The following CDC42BPA variants were observed in gnomAD, a reference collection of about 807,000 sequenced individuals.
CDC42BPA encodes serine/threonine-protein kinase MRCK alpha.
A neutral mutation model predicts 223.5 loss-of-function variants in CDC42BPA; 80 were observed. That is an observed-to-expected ratio of 0.36 (90% CI 0.30 to 0.43). The LOEUF (loss-of-function observed/expected upper bound fraction) is 0.43. CDC42BPA is among the 20% of genes least tolerant of loss of function. The probability of loss-of-function intolerance (pLI) is 1.00; values close to 1 mark genes in which losing one functional copy is unlikely to be tolerated. For synonymous variants in CDC42BPA, 694 were observed against 718.6 expected (o/e 0.97, Z 0.55); for missense variants, 1,743 against 2,099.9 (o/e 0.83, Z 3.32).
chr1:227,156,855 T>C (rs1662914672), intron 6 of CDC42BPA, among the ~76,000 whole-genome samples: 1 of 152,274 alleles, frequency 6.6e-6, no homozygotes, highest in South Asian at 2.1e-4. Context: ...TGCAGCTCTA[T>C]CCTCTCTGGA....
At chr1:227,181,537 C>T (rs765992381) in intron 5 of CDC42BPA, among the ~76,000 whole-genome samples, 14 of 152,144 alleles carry the variant, frequency 9.2e-5, no homozygotes, top group Non-Finnish European at 1.5e-4. Context: ...TGTTCATCTA[C>T]TATTTTCTTT....
intron 1 of CDC42BPA, among the ~76,000 whole-genome samples, chr1:227,299,917 C>T (rs959976251): frequency 6.6e-6 from 1 of 152,104 alleles, no homozygotes; most frequent in Non-Finnish European, 1.5e-5. Flanking sequence ...TAAATAAAGA[C>T]GTCATTCTCG....
Position 227,073,973 on chromosome 1 carries a change from T to C in CDC42BPA, c.2626A>G (p.Met876Val). 1 of 1,612,546 alleles carries C rather than the reference T, an allele frequency of 6.2e-7. No homozygotes were observed. The highest frequency in any genetic ancestry group is 1.1e-5 in the South Asian group (1 of 90,572). The change falls in exon 19 of 37, where the codon ATG (methionine) becomes GTG (valine). Residue 876 changes from methionine to valine, a missense_variant. Met to Val is a conservative substitution (Grantham distance 21, BLOSUM62 1). This residue lies in a region of CDC42BPA where 36 missense variants were observed against 71.9 expected (regional missense o/e 0.50). Transcript: ENST00000366766. ...WKMRRFAKLD[M>V]SARLELQSAL... ...GACTGCAACTCCAGTCTAGCTGACA[T>C]ATCCAGTTTCGCAAAACGACGCATT...
At chr1:227,017,558 A>T (rs1386960364) in intron 32 of CDC42BPA, among the ~76,000 whole-genome samples, 2 of 152,216 alleles carry the variant, frequency 1.3e-5, no homozygotes, top group Non-Finnish European at 2.9e-5. Context: ...AGTCTATGAG[A>T]TACGGAGTAA....
At chr1:227,193,961 T>C (rs776227323) in intron 4 of CDC42BPA, 27 bp from the exon 5 acceptor site, 13 of 1,554,208 alleles carry the variant, frequency 8.4e-6, no homozygotes, top group Non-Finnish European at 3.5e-6. Context: ...TAAAATGTAC[T>C]CAGTAAACTA....
chr1:227,298,767 G>A (rs1429716659), intron 1 of CDC42BPA, among the ~76,000 whole-genome samples: 1 of 152,184 alleles, frequency 6.6e-6, no homozygotes, highest in Non-Finnish European at 1.5e-5. Context: ...GACAAAAACT[G>A]AGAACTTTAC....
intron 17 of CDC42BPA, 87 bp from the exon 18 acceptor site, chr1:227,074,451 G>C (rs1679052776): frequency 1.1e-6 from 1 of 948,276 alleles, no homozygotes. Context: ...AAAGAAATAA[G>C]TGGTAGGAAA....
chr1:227,280,065 A>AC lies in CDC42BPA; in HGVS notation c.179-25911_179-25910insG, dbSNP rs541208999. Among the ~76,000 whole-genome samples, 891 of 152,316 alleles carry AC rather than the reference A, an allele frequency of 5.8e-3. 9 individuals are homozygous for AC. The highest frequency in any genetic ancestry group is 0.02 in the African/African-American group (846 of 41,562). ...AGAGCAAGACTCCATCTCAAAAAAA[A>AC]GAAAAAAAGATACAAAGTACTGTAC... On this transcript the variant is annotated intron_variant, in intron 1 of 36. Coordinates refer to ENST00000366766, the MANE Select transcript of CDC42BPA (RefSeq NM_001394014.1).
chr1:227,074,015 A>G lies in CDC42BPA; in HGVS notation c.2587-3T>C. On this transcript the variant is annotated splice_polypyrimidine_tract_variant and splice_region_variant and intron_variant, in intron 18 of 36. Coordinates refer to ENST00000366766, the MANE Select transcript of CDC42BPA (RefSeq NM_001394014.1). ...CGACGCATTTTCCAGGGCATATCCTATGAAATAATGACTGTGTTTTTAGTT... is the reference window on the plus strand; with the variant it reads ...CGACGCATTTTCCAGGGCATATCCTGTGAAATAATGACTGTGTTTTTAGTT... 3 of 1,608,336 alleles carry G rather than the reference A, an allele frequency of 1.9e-6. No individual in the cohort carries two copies. Among genetic ancestry groups the G allele is most frequent in the Non-Finnish European group, 2.5e-6 (3 of 1,178,506 alleles).
chr1:227,198,799 G>C (rs1266583366), intron 4 of CDC42BPA, among the ~76,000 whole-genome samples: 1 of 151,680 alleles, frequency 6.6e-6, no homozygotes, highest in Non-Finnish European at 1.5e-5. Flanking sequence ...CTGTCACCCA[G>C]GCTGGAGTGC....
intron 1 of CDC42BPA, among the ~76,000 whole-genome samples, chr1:227,304,931 C>A (rs975693879): frequency 1.3e-5 from 2 of 152,084 alleles, no homozygotes; most frequent in African/African-American, 4.8e-5. Context: ...AGGTAAATTT[C>A]TTAAAGAACT....
intron 6 of CDC42BPA, among the ~76,000 whole-genome samples, chr1:227,152,897 A>G (rs1357788574): frequency 6.6e-6 from 1 of 152,140 alleles, no homozygotes; most frequent in African/African-American, 2.4e-5. Flanking sequence ...CATATGATAA[A>G]GAAAAGAAAC....
At chr1:227,138,278 T>C (rs1659008573) in intron 10 of CDC42BPA, among the ~76,000 whole-genome samples, 1 of 151,968 alleles carries the variant, frequency 6.6e-6, no homozygotes, top group African/African-American at 2.4e-5. Flanking sequence ...ATATGTTACA[T>C]CCTTTATTTT....
At position 227,083,818 on chromosome 1, in the gene CDC42BPA, T is replaced by C. The variant is rs75801597; in HGVS notation, c.2356-2801A>G. On this transcript the variant is annotated intron_variant, in intron 16 of 36. Transcript: ENST00000366766. ...TTCTTACTCACCCTTACTCCTAAAATGTAGGCTTTCAATGGGTTCAACTGA... is the reference window on the plus strand; with the variant it reads ...TTCTTACTCACCCTTACTCCTAAAACGTAGGCTTTCAATGGGTTCAACTGA... 7.4e-3 allele frequency among the ~76,000 whole-genome samples: 1,121 copies of C among 152,296 alleles called. 11 individuals are homozygous for C. The highest frequency in any genetic ancestry group is 9.4e-3 in the Non-Finnish European group (641 of 68,028).
At chr1:227,028,597 T>C in intron 30 of CDC42BPA, 60 bp downstream of exon 30, 3 of 1,150,768 alleles carry the variant, frequency 2.6e-6, no homozygotes, top group Non-Finnish European at 3.7e-6. Context: ...GGAGACGAAG[T>C]AGAAGGGAAA....
chr1:227,270,097 A>G (rs780117317), intron 1 of CDC42BPA, among the ~76,000 whole-genome samples: 2 of 152,204 alleles, frequency 1.3e-5, no homozygotes, highest in African/African-American at 2.4e-5. Context: ...ATATATCCAT[A>G]CAATGAAACA....
At chr1:227,210,334 G>T (rs1196195030) in intron 3 of CDC42BPA, among the ~76,000 whole-genome samples, 1 of 152,022 alleles carries the variant, frequency 6.6e-6, no homozygotes, top group African/African-American at 2.4e-5. Flanking sequence ...GCATAATACT[G>T]ACCTCCAAAA....
rs1553374261 is a variant in CDC42BPA at position 227,168,497 on chromosome 1, G to GTTTTTTTTTTTTGTTTTTT, written c.600-7862_600-7861insAAAAAACAAAAAAAAAAAA. Among the ~76,000 whole-genome samples, 273 of 80,156 alleles carry GTTTTTTTTTTTTGTTTTTT rather than the reference G, an allele frequency of 3.4e-3. 37 individuals are homozygous for GTTTTTTTTTTTTGTTTTTT. The highest frequency in any genetic ancestry group is 0.01 in the African/African-American group (204 of 20,166). 52.6% of individuals were successfully genotyped at this position (80,156 alleles called of 152,430 possible). The stretch of plus-strand genomic sequence containing the variant: ...CTTTTTCATATTTATCTTCCCTGGT[G>GTTTTTTTTTTTTGTTTTTT]TTTTTTTTTTTTTTTTGAGGCAGAG... On this transcript the variant is annotated intron_variant, in intron 5 of 36. Transcript: ENST00000366766.
At chr1:227,116,492 C>T (rs916589687) in intron 12 of CDC42BPA, among the ~76,000 whole-genome samples, 2 of 152,106 alleles carry the variant, frequency 1.3e-5, no homozygotes, top group African/African-American at 2.4e-5. Flanking sequence ...TCTTTAAAAT[C>T]GGGGAACAAG....
Sources: allele counts gnomAD v4.1 joint callset (sites outside exome capture counted in the v4.1 genomes callset), GRCh38; gene constraint gnomAD v4.1.1; regional missense constraint gnomAD v4.1.1; transcripts MANE v1.5; gene names NCBI Gene and HGNC (gene_info 2026-07-23, HGNC 2026-07-21).